The following CD38 variants were observed in gnomAD, a reference collection of about 807,000 sequenced individuals.
CD38 encodes the protein ADP-ribosyl cyclase/cyclic ADP-ribose hydrolase 1.
Under a neutral mutation model 36.3 loss-of-function variants are expected in CD38, and 31 were observed. The observed-to-expected ratio is 0.85, with a 90% CI of 0.64 to 1.15. The LOEUF (loss-of-function observed/expected upper bound fraction) is 1.15, where lower values mean the gene tolerates loss of function less well. Ranked by LOEUF, CD38 falls within the 50% of genes most tolerant of loss-of-function variation. CD38 has a pLI of 0.00. For missense variants in CD38, 380 were observed against 371.9 expected, an observed-to-expected ratio of 1.02 and a Z score of -0.18; for synonymous variants, 131 against 135.2, an observed-to-expected ratio of 0.97 and a Z score of 0.22.
At chr4:15,808,960 G>A (rs148553060) in intron 1 of CD38, among the ~76,000 whole-genome samples, 3 of 152,304 alleles carry the variant, frequency 2.0e-5, no homozygotes, top group African/African-American at 7.2e-5. Flanking sequence ...GGGGTATGTG[G>A]TCTGGACTTG....
intron 3 of CD38, among the ~76,000 whole-genome samples, chr4:15,829,112 A>G (rs1003387920): frequency 4.6e-5 from 7 of 152,074 alleles, no homozygotes; most frequent in Admixed American, 3.3e-4. Flanking sequence ...GGCCATTTGT[A>G]TGTCTTTTGA....
intron 7 of CD38, among the ~76,000 whole-genome samples, chr4:15,845,616 T>A (rs1724254466): frequency 2.2e-4 from 1 of 4,448 alleles, no homozygotes; most frequent in Admixed American, 1.9e-3. Context: ...AAAGAGGAAG[T>A]CAAATTGTCC....
chr4:15,827,936 A>G (rs1723884344), intron 3 of CD38, among the ~76,000 whole-genome samples: 2 of 152,160 alleles, frequency 1.3e-5, no homozygotes, highest in Non-Finnish European at 2.9e-5. Flanking sequence ...AATTGTATGT[A>G]TTTGTGGGGT....
intron 6 of CD38, 106 bp downstream of exon 6, chr4:15,840,224 C>T (rs79112593): frequency 1.2e-6 from 1 of 856,622 alleles, no homozygotes; most frequent in Non-Finnish European, 2.0e-6. Flanking sequence ...GGAAATGAAA[C>T]TACATGAATG....
At chr4:15,780,456 A>G (rs2148912186) in intron 1 of CD38, among the ~76,000 whole-genome samples, 1 of 151,712 alleles carries the variant, frequency 6.6e-6, no homozygotes, top group Non-Finnish European at 1.5e-5. Context: ...GATACTTTCT[A>G]TTGAGCTGCT....
intron 3 of CD38, among the ~76,000 whole-genome samples, chr4:15,832,534 C>G (rs967384544): frequency 6.6e-6 from 1 of 152,122 alleles, no homozygotes; most frequent in Non-Finnish European, 1.5e-5. Context: ...TGGTCTTGGA[C>G]AAGATCTAGA....
At chr4:15,783,267 G>A (rs1480358721) in intron 1 of CD38, among the ~76,000 whole-genome samples, 2 of 152,212 alleles carry the variant, frequency 1.3e-5, no homozygotes, top group African/African-American at 2.4e-5. Flanking sequence ...GTGGGGTGGG[G>A]CCTGCAGGAG....
At chr4:15,804,871 T>C (rs1658967310) in intron 1 of CD38, among the ~76,000 whole-genome samples, 1 of 152,166 alleles carries the variant, frequency 6.6e-6, no homozygotes, top group Admixed American at 6.5e-5. Flanking sequence ...GTGACTATAG[T>C]GAACAATAAC....
chr4:15,786,411 T>A (rs1225849304), intron 1 of CD38, among the ~76,000 whole-genome samples: 2 of 152,252 alleles, frequency 1.3e-5, no homozygotes, highest in Non-Finnish European at 2.9e-5. Flanking sequence ...TTACAAACCT[T>A]GAGCTAGACA....
chr4:15,786,285 ATTT>A (rs1249399005), intron 1 of CD38, among the ~76,000 whole-genome samples: 1 of 152,128 alleles, frequency 6.6e-6, no homozygotes, highest in East Asian at 1.9e-4. Flanking sequence ...TGATTGGTTC[ATTT>A]TACAGAGGGC....
At chr4:15,800,815 A>G (rs2148918427) in intron 1 of CD38, among the ~76,000 whole-genome samples, 1 of 152,250 alleles carries the variant, frequency 6.6e-6, no homozygotes, top group South Asian at 2.1e-4. Flanking sequence ...AGGAAAGTTC[A>G]TAGTAATGAT....
intron 1 of CD38, among the ~76,000 whole-genome samples, chr4:15,783,079 G>A (rs548368887): frequency 4.1e-4 from 63 of 152,318 alleles, no homozygotes; most frequent in African/African-American, 1.4e-3. Context: ...GCTGTCTCAA[G>A]GGCCACACAC....
At chr4:15,841,725 G>T (rs534474928) in intron 7 of CD38, among the ~76,000 whole-genome samples, 3 of 148,860 alleles carry the variant, frequency 2.0e-5, no homozygotes, top group Non-Finnish European at 3.0e-5. Flanking sequence ...AGCCGAAGCA[G>T]GGCGAGGCAT....
intron 7 of CD38, among the ~76,000 whole-genome samples, chr4:15,848,057 T>G (rs1482668692): frequency 2.6e-5 from 4 of 152,168 alleles, no homozygotes; most frequent in Non-Finnish European, 5.9e-5. Context: ...AAATCAAATT[T>G]AAAGAACCCC....
intron 2 of CD38, among the ~76,000 whole-genome samples, chr4:15,817,658 G>A (rs1405295663): frequency 6.6e-6 from 1 of 152,144 alleles, no homozygotes; most frequent in African/African-American, 2.4e-5. Context: ...GGTTGCTCAA[G>A]GTGAAACACC....
chr4:15,824,549 C>G (rs77915887), intron 2 of CD38, among the ~76,000 whole-genome samples: 1,728 of 151,984 alleles, frequency 0.011, 28 homozygotes, highest in African/African-American at 0.039. Context: ...TGGAGATAAC[C>G]TTAGGAATAT....
chr4:15,789,083 G>T (rs1165060681), intron 1 of CD38, among the ~76,000 whole-genome samples: 1 of 152,134 alleles, frequency 6.6e-6, no homozygotes, highest in African/African-American at 2.4e-5. Context: ...GGTAAACCTG[G>T]CAAACAGTAC....
chr4:15,813,042 T>C (rs987080322), intron 1 of CD38, among the ~76,000 whole-genome samples: 2 of 152,346 alleles, frequency 1.3e-5, no homozygotes, highest in Non-Finnish European at 2.9e-5. Context: ...ATTTTCTATA[T>C]ACAGTATTTC....
rs1291042104 is a variant in CD38, at chr4:15,849,921, T to G, written c.*1319T>G. 1 of 152,234 alleles carries G rather than the reference T, an allele frequency of 6.6e-6. No individual in the cohort carries two copies. Among genetic ancestry groups the G allele is most frequent in the Non-Finnish European group, 1.5e-5 (1 of 68,046 alleles). The allele number at this position is 152,234 out of a possible 1,614,324, so 9.4% of individuals were successfully genotyped here. Reference sequence around the variant, plus strand: ...CAGCTCTTATGTTTTGATATGCCTCTCTTTATTATCCTTCAGTTAAAAATA... The same window carrying G: ...CAGCTCTTATGTTTTGATATGCCTCGCTTTATTATCCTTCAGTTAAAAATA... On this transcript the variant is annotated 3_prime_UTR_variant, in exon 8 of 8. Coordinates refer to ENST00000226279, the MANE Select transcript of CD38 (RefSeq NM_001775.4).
Sources: allele counts gnomAD v4.1 joint callset (sites outside exome capture counted in the v4.1 genomes callset), GRCh38; gene constraint gnomAD v4.1.1; transcripts MANE v1.5; gene names NCBI Gene and HGNC (gene_info 2026-07-23, HGNC 2026-07-21).